The following TCF7L2 variants were observed in gnomAD, a reference collection of about 807,000 sequenced individuals.
The protein encoded by TCF7L2 is transcription factor 7-like 2.
Under a neutral mutation model 77.9 loss-of-function variants are expected in TCF7L2, and 23 were observed. The ratio of observed to expected loss-of-function variants is 0.30; its 90% CI spans 0.21 to 0.42. The LOEUF (loss-of-function observed/expected upper bound fraction) is 0.42, where lower values mean the gene tolerates loss of function less well. Ranked by LOEUF, TCF7L2 falls within the 10% of genes least tolerant of loss-of-function variation. The pLI is 1.00. For synonymous variants in TCF7L2, 413 were observed against 340.2 expected, an observed-to-expected ratio of 1.21 and a Z score of -2.36; for missense variants, 654 against 793.1, an observed-to-expected ratio of 0.82 and a Z score of 2.11.
At chr10:112,983,467 T>C (rs1022631099) in intron 4 of TCF7L2, among the ~76,000 whole-genome samples, 1 of 152,056 alleles carries the variant, frequency 6.6e-6, no homozygotes, top group Non-Finnish European at 1.5e-5. Flanking sequence ...AGAGCGAGAC[T>C]CTGTCTCAAA....
chr10:112,985,408 T>G (rs1182527916), intron 4 of TCF7L2, among the ~76,000 whole-genome samples: 1 of 151,822 alleles, frequency 6.6e-6, no homozygotes, highest in East Asian at 2.1e-4. Context: ...TCACTCTTAT[T>G]TTAGTGACCC....
chr10:113,002,766 T>C (rs894431516), intron 4 of TCF7L2, among the ~76,000 whole-genome samples: 1 of 152,158 alleles, frequency 6.6e-6, no homozygotes, highest in African/African-American at 2.4e-5. Flanking sequence ...ATTTTGAGAC[T>C]TGTTCTTAAA....
chr10:113,048,798 G>A (rs1385893637), intron 5 of TCF7L2, among the ~76,000 whole-genome samples: 1 of 152,170 alleles, frequency 6.6e-6, no homozygotes, highest in East Asian at 1.9e-4. Context: ...CCTGGGATGG[G>A]GCCACTGGCT....
At chr10:113,019,207 C>T (rs2047872334) in intron 4 of TCF7L2, among the ~76,000 whole-genome samples, 2 of 152,194 alleles carry the variant, frequency 1.3e-5, no homozygotes, top group Admixed American at 1.3e-4. Flanking sequence ...TTGGACACAC[C>T]ATGGTGACAG....
chr10:112,964,590 C>A lies in TCF7L2; in HGVS notation c.416C>A (p.Ala139Glu). ...CAGTCCGGCAGCACACATTACTCTG[C>A]GTACAAAACGATTGAACACCAGATT... is the stretch of plus-strand genomic sequence containing the variant. Residue 139 changes from alanine (A) to glutamate (E), a missense_variant, in exon 4 of 14, where the codon GCG becomes GAG. By Grantham distance (107) the Ala-to-Glu change is moderately radical. This residue lies in a region of TCF7L2 where 132 missense variants were observed against 123.7 expected (regional missense o/e 1.07). Coordinates refer to ENST00000627217, the MANE Select transcript of TCF7L2 (RefSeq NM_001146274.2). 4 of 1,613,202 alleles carry A rather than the reference C, an allele frequency of 2.5e-6. 1 individual carries two copies. In the South Asian group the frequency reaches 4.4e-5, roughly 18 times the overall value.
At chr10:113,038,112 T>C (rs2051681151) in intron 4 of TCF7L2, among the ~76,000 whole-genome samples, 1 of 152,054 alleles carries the variant, frequency 6.6e-6, no homozygotes, top group Non-Finnish European at 1.5e-5. Flanking sequence ...TTGGAAGTGA[T>C]GAGATGGTAA....
intron 8 of TCF7L2, among the ~76,000 whole-genome samples, chr10:113,146,627 T>C (rs563784437): frequency 6.6e-6 from 1 of 151,752 alleles, no homozygotes; most frequent in South Asian, 2.1e-4. Flanking sequence ...TTTTGTTTTT[T>C]TTTTTTTAAA....
At chr10:113,035,213 C>T (rs901151120) in intron 4 of TCF7L2, among the ~76,000 whole-genome samples, 6 of 152,328 alleles carry the variant, frequency 3.9e-5, no homozygotes, top group African/African-American at 1.4e-4. Context: ...TTTTCCCTCA[C>T]AACTTGAGTT....
At chr10:113,152,649 T>C (rs1053210338) in intron 11 of TCF7L2, among the ~76,000 whole-genome samples, 1 of 152,200 alleles carries the variant, frequency 6.6e-6, no homozygotes, top group Non-Finnish European at 1.5e-5. Flanking sequence ...ACAGTCATTC[T>C]TCAGGGTGGA....
chr10:112,993,280 G>A (rs2042905398), intron 4 of TCF7L2, among the ~76,000 whole-genome samples: 1 of 152,002 alleles, frequency 6.6e-6, no homozygotes, highest in Non-Finnish European at 1.5e-5. Context: ...GGCACTTTGG[G>A]AGGCCGAGGC....
chr10:113,144,094 GTGTGTC>G (rs961776290), intron 7 of TCF7L2, 69 bp downstream of exon 7: 81 of 906,112 alleles, frequency 8.9e-5, no homozygotes, highest in African/African-American at 7.7e-4. Flanking sequence ...TATTCTGTGT[GTGTGTC>G]TGTGTGTGTG....
At chr10:113,027,254 G>A (rs2049345358) in intron 4 of TCF7L2, among the ~76,000 whole-genome samples, 1 of 152,052 alleles carries the variant, frequency 6.6e-6, no homozygotes, top group Non-Finnish European at 1.5e-5. Flanking sequence ...TTCCTCAACT[G>A]CTTATTTCTT....
intron 4 of TCF7L2, among the ~76,000 whole-genome samples, chr10:113,003,398 C>T (rs947442680): frequency 6.6e-6 from 1 of 152,130 alleles, no homozygotes; most frequent in East Asian, 1.9e-4. Flanking sequence ...TGCTTTGTAG[C>T]GAGCTGTCCC....
At chr10:113,110,378 T>G (rs989277992) in intron 5 of TCF7L2, among the ~76,000 whole-genome samples, 4 of 151,680 alleles carry the variant, frequency 2.6e-5, no homozygotes, top group Middle Eastern at 3.4e-3. Flanking sequence ...GGTTTTTTTT[T>G]TTTTTTTTTT....
intron 5 of TCF7L2, among the ~76,000 whole-genome samples, chr10:113,105,668 A>G (rs1166964378): frequency 6.6e-6 from 1 of 152,128 alleles, no homozygotes; most frequent in Non-Finnish European, 1.5e-5. Flanking sequence ...TTGCTCATTC[A>G]ACATCAAGTC....
Position 112,959,593 on chromosome 10 carries a change from C to G in TCF7L2, c.382-4963C>G, listed in dbSNP as rs539866144. 5.3e-5 allele frequency among the ~76,000 whole-genome samples: 8 copies of G among 152,288 alleles called. No homozygotes were observed. In the South Asian group the frequency reaches 1.7e-3, roughly 32 times the overall value. On this transcript the variant is annotated intron_variant, in intron 3 of 13. Coordinates refer to ENST00000627217, the MANE Select transcript of TCF7L2 (RefSeq NM_001146274.2). ...ATTGTTTAGGGATGGTACAAATGTTCAGTGTCTAGATCTCTGCAGGAATGT... is the reference window on the plus strand; with the variant it reads ...ATTGTTTAGGGATGGTACAAATGTTGAGTGTCTAGATCTCTGCAGGAATGT...
chr10:113,025,696 T>G (rs967517693), intron 4 of TCF7L2, among the ~76,000 whole-genome samples: 1 of 151,850 alleles, frequency 6.6e-6, no homozygotes, highest in African/African-American at 2.4e-5. Flanking sequence ...CATTTTGGAT[T>G]TTTGGGTTAG....
intron 5 of TCF7L2, among the ~76,000 whole-genome samples, chr10:113,070,608 A>G (rs147440293): frequency 6.6e-6 from 1 of 152,288 alleles, no homozygotes; most frequent in Non-Finnish European, 1.5e-5. Flanking sequence ...TTTGGAGTAG[A>G]TACTATCATC....
At position 112,966,099 on chromosome 10, in the gene TCF7L2, C is replaced by T. The variant is rs556362609; in HGVS notation, c.450+1475C>T. 7.3e-5 allele frequency among the ~76,000 whole-genome samples: 11 copies of T among 150,294 alleles called. No individual in the cohort carries two copies. The South Asian group carries it at 1.9e-3, about 26-fold the overall frequency. ...CTGAGGCAGGAGAATCACTTGAACC[C>T]GGGAGGCGGAGGTTGCGGTGAGCCG... On this transcript the variant is annotated intron_variant, in intron 4 of 13. Coordinates refer to ENST00000627217, the MANE Select transcript of TCF7L2 (RefSeq NM_001146274.2).
Sources: gnomAD v4.1 joint callset for allele counts (sites outside exome capture counted in the v4.1 genomes callset) on GRCh38, gnomAD v4.1.1 for gene constraint, gnomAD v4.1.1 regional missense constraint, MANE v1.5 for transcripts, NCBI Gene and HGNC (gene_info 2026-07-23, HGNC 2026-07-21) for gene names.